The following CDYL variants were observed in gnomAD, a reference collection of about 807,000 sequenced individuals.
CDYL encodes chromodomain Y like, also known as chromodomain Y-like protein.
A neutral mutation model predicts 47.3 loss-of-function variants in CDYL; 8 were observed. That is an observed-to-expected ratio of 0.17 (90% CI 0.10 to 0.31). The LOEUF (loss-of-function observed/expected upper bound fraction) is 0.31, where lower values mean the gene tolerates loss of function less well. Ranked by LOEUF, CDYL falls within the 10% of genes least tolerant of loss-of-function variation. CDYL has a pLI of 1.00. For missense variants in CDYL, 471 were observed against 701.4 expected, an observed-to-expected ratio of 0.67 and a Z score of 3.71; for synonymous variants, 266 against 265.0, an observed-to-expected ratio of 1.00 and a Z score of -0.04.
chr6:4,949,240 C>G (rs1440578137), intron 5 of CDYL, among the ~76,000 whole-genome samples: 1 of 152,220 alleles, frequency 6.6e-6, no homozygotes, highest in East Asian at 1.9e-4. Context: ...GGAAATCTTG[C>G]ACCTCTCAGG....
chr6:4,938,182 G>C (rs1758256151), intron 4 of CDYL, among the ~76,000 whole-genome samples: 1 of 151,796 alleles, frequency 6.6e-6, no homozygotes, highest in South Asian at 2.1e-4. Flanking sequence ...TTTATGATGA[G>C]ATAGCTCCGT....
chr6:4,811,608 C>CTTTTTTTTTTTT (rs397975784), intron 1 of CDYL, among the ~76,000 whole-genome samples: 2 of 126,730 alleles, frequency 1.6e-5, no homozygotes, highest in African/African-American at 5.9e-5. Flanking sequence ...TGACATTATT[C>CTTTTTTTTTTTT]TTTTTTTTTT....
At chr6:4,845,619 A>G (rs910242889) in intron 1 of CDYL, among the ~76,000 whole-genome samples, 6 of 152,350 alleles carry the variant, frequency 3.9e-5, no homozygotes, top group African/African-American at 1.4e-4. Context: ...GGCCACAGCT[A>G]TCTATTGCAA....
chr6:4,734,433 A>T (rs1002554466), intron 2 of CDYL, among the ~76,000 whole-genome samples: 1 of 152,152 alleles, frequency 6.6e-6, no homozygotes, highest in East Asian at 1.9e-4. Context: ...TGGGCGGGTC[A>T]CCAGCCAGAT....
chr6:4,884,192 C>T (rs923565684), intron 1 of CDYL, among the ~76,000 whole-genome samples: 3 of 152,154 alleles, frequency 2.0e-5, no homozygotes, highest in African/African-American at 4.8e-5. Flanking sequence ...TTGTATTATC[C>T]GTGTCAGTGG....
At chr6:4,906,765 G>T (rs1297954317) in intron 2 of CDYL, among the ~76,000 whole-genome samples, 1 of 152,174 alleles carries the variant, frequency 6.6e-6, no homozygotes, top group Non-Finnish European at 1.5e-5. Flanking sequence ...TGTAAAAATA[G>T]ACTCAGTCTG....
intron 1 of CDYL, among the ~76,000 whole-genome samples, chr6:4,846,607 G>A (rs946924025): frequency 2.0e-5 from 3 of 152,126 alleles, no homozygotes; most frequent in Admixed American, 6.6e-5. Context: ...ATTCCTGGTT[G>A]ACTTTCAGAG....
chr6:4,718,347 C>T (rs1450551467), intron 2 of CDYL, among the ~76,000 whole-genome samples: 1 of 152,018 alleles, frequency 6.6e-6, no homozygotes, highest in East Asian at 1.9e-4. Context: ...GGCACGATCT[C>T]AGCTCACTGC....
intron 1 of CDYL, among the ~76,000 whole-genome samples, chr6:4,818,215 A>G (rs1333414328): frequency 1.3e-5 from 2 of 152,166 alleles, no homozygotes; most frequent in Admixed American, 6.5e-5. Context: ...AGATTGTGCC[A>G]CTGCATTCTA....
intron 3 of CDYL, among the ~76,000 whole-genome samples, chr6:4,745,090 G>A (rs1304359151): frequency 1.3e-5 from 2 of 151,992 alleles, no homozygotes; most frequent in African/African-American, 4.8e-5. Context: ...TCAGCCTCCC[G>A]AGTAGCTAGT....
intron 1 of CDYL, among the ~76,000 whole-genome samples, chr6:4,852,702 C>T (rs1760887973): frequency 6.6e-6 from 1 of 151,826 alleles, no homozygotes; most frequent in South Asian, 2.1e-4. Context: ...GTGTGTGTAT[C>T]ATTGTGGGTT....
chr6:4,882,199 G>T (rs59019088), intron 1 of CDYL, among the ~76,000 whole-genome samples: 5,115 of 152,264 alleles, frequency 0.034, 299 homozygotes, highest in African/African-American at 0.12. Context: ...TCTTGAAATT[G>T]TGGCAAGCTC....
intron 2 of CDYL, among the ~76,000 whole-genome samples, chr6:4,909,881 T>C (rs1028683317): frequency 2.0e-5 from 3 of 152,088 alleles, no homozygotes; most frequent in African/African-American, 7.2e-5. Context: ...CCAAATTTCA[T>C]ACTTCTTACT....
chr6:4,745,177 CT>C (rs1174420866), intron 3 of CDYL, among the ~76,000 whole-genome samples: 3 of 152,214 alleles, frequency 2.0e-5, no homozygotes, highest in Admixed American at 6.5e-5. Flanking sequence ...TCAGGCTGGT[CT>C]TGAATTACTG....
chr6:4,804,683 G>T (rs1020015794), intron 1 of CDYL, among the ~76,000 whole-genome samples: 6 of 152,188 alleles, frequency 3.9e-5, no homozygotes, highest in African/African-American at 1.4e-4. Flanking sequence ...CTGTCATAGA[G>T]ACCGCTGCTA....
chr6:4,934,895 G>C (rs1016942021), intron 2 of CDYL, among the ~76,000 whole-genome samples: 1 of 152,156 alleles, frequency 6.6e-6, no homozygotes, highest in Non-Finnish European at 1.5e-5. Flanking sequence ...GCTATCTTCA[G>C]CTGCTTAACA....
chr6:4,710,144 C>T (rs1394414499), intron 1 of CDYL, among the ~76,000 whole-genome samples: 1 of 152,056 alleles, frequency 6.6e-6, no homozygotes, highest in Non-Finnish European at 1.5e-5. Flanking sequence ...ATCACTTGAA[C>T]CTGGGAGGTG....
At chr6:4,928,865 G>A (rs1757954150) in intron 2 of CDYL, 1 of 151,800 alleles carries the variant, frequency 6.6e-6, no homozygotes, top group African/African-American at 2.4e-5. Context: ...TATTTGTATA[G>A]TATGTACAAA....
intron 3 of CDYL, among the ~76,000 whole-genome samples, chr6:4,759,058 C>T (rs1399639423): frequency 6.6e-6 from 1 of 150,390 alleles, no homozygotes; most frequent in African/African-American, 2.5e-5. Context: ...AACTCTGCCT[C>T]CCCGGGTTCA....
Sources: allele counts gnomAD v4.1 joint callset (sites outside exome capture counted in the v4.1 genomes callset), GRCh38; gene constraint gnomAD v4.1.1; transcripts MANE v1.5; gene names NCBI Gene and HGNC (gene_info 2026-07-23, HGNC 2026-07-21).